MICAL2: variants seen among roughly 807,000 people sequenced by gnomAD.
The protein encoded by MICAL2 is [F-actin]-monooxygenase MICAL2.
A neutral mutation model predicts 127.3 loss-of-function variants in MICAL2; 77 were observed. The observed-to-expected ratio is 0.60, with a 90% CI of 0.50 to 0.73. The LOEUF (loss-of-function observed/expected upper bound fraction) is 0.73. MICAL2 is among the 30% of genes least tolerant of loss of function. The pLI is 0.00. For missense variants in MICAL2, 1,351 were observed against 1,434.4 expected, an observed-to-expected ratio of 0.94 and a Z score of 0.94; for synonymous variants, 570 against 551.1, an observed-to-expected ratio of 1.03 and a Z score of -0.48.
chr11:12,292,388 G>C, downstream of MICAL2: 1 of 1,427,272 alleles, frequency 7.0e-7, no homozygotes, highest in Non-Finnish European at 9.7e-7. Context: ...GATTCCACGT[G>C]CTCATAGGTC....
At chr11:12,187,344 T>C (rs1423989800) in intron 3 of MICAL2, among the ~76,000 whole-genome samples, 2 of 152,248 alleles carry the variant, frequency 1.3e-5, no homozygotes, top group African/African-American at 4.8e-5. Context: ...TCAGTTAATA[T>C]TTTTTTCTAA....
rs537188206 is a variant in MICAL2 at position 12,137,266 on chromosome 11, G to T, written c.-148-1124G>T. On this transcript the variant is annotated intron_variant, in intron 1 of 27. Transcript: ENST00000683283. ...GCCGCCCTTGGAGCTCGCCAGGCTC[G>T]CCCGGTGTGTGGGCCCACCAGGACT... 2.5e-5 allele frequency among the ~76,000 whole-genome samples: 3 copies of T among 119,690 alleles called. No homozygotes were observed. The East Asian group carries it at 7.5e-4, about 30-fold the overall frequency. The allele number at this position is 119,690 out of a possible 152,430, so 78.5% of individuals were successfully genotyped here.
chr11:12,192,148 A>G (rs1859258445), intron 3 of MICAL2, among the ~76,000 whole-genome samples: 1 of 138,598 alleles, frequency 7.2e-6, no homozygotes, highest in African/African-American at 2.8e-5. Flanking sequence ...AAAGACTGAA[A>G]TATTTACTAT....
chr11:12,260,118 C>T, intron 26 of MICAL2: 2 of 1,535,296 alleles, frequency 1.3e-6, no homozygotes, highest in Non-Finnish European at 8.7e-7. Context: ...CTGAGGGCTC[C>T]CTCGAGAGCA....
intron 32 of MICAL2, among the ~76,000 whole-genome samples, chr11:12,349,621 G>A (rs1939014512): frequency 6.6e-6 from 1 of 152,176 alleles, no homozygotes; most frequent in South Asian, 2.1e-4. Context: ...CATGCCCTAA[G>A]TGTCCAAGAA....
rs2134695515 is a variant in MICAL2 at position 12,259,907 on chromosome 11, C to A, written c.3334+10C>A. Reference sequence around the variant, plus strand: ...GAAGGCAGCCCCCCAGGTATCTCCACCTCCTTCTTTAGGAAGGTGCTGGGC... The same window carrying A: ...GAAGGCAGCCCCCCAGGTATCTCCAACTCCTTCTTTAGGAAGGTGCTGGGC... On this transcript the variant is annotated intron_variant, in intron 26 of 27. Coordinates refer to ENST00000683283, the MANE Select transcript of MICAL2 (RefSeq NM_001282663.2). 1 of 1,613,170 alleles carries A rather than the reference C, an allele frequency of 6.2e-7. No individual in the cohort carries two copies. The highest frequency in any genetic ancestry group is 2.2e-5 in the East Asian group (1 of 44,832).
At chr11:12,322,302 C>T (rs564141789) in intron 30 of MICAL2, among the ~76,000 whole-genome samples, 1 of 152,258 alleles carries the variant, frequency 6.6e-6, no homozygotes, top group African/African-American at 2.4e-5. Context: ...TCCCCACCAC[C>T]TCTTCCCTAG....
At chr11:12,284,760 A>G (rs1313438454) in intron 2 of MICAL2, among the ~76,000 whole-genome samples, 1 of 152,196 alleles carries the variant, frequency 6.6e-6, no homozygotes, top group Non-Finnish European at 1.5e-5. Context: ...GGGGTGGGCT[A>G]TTCATCTCCT....
intron 10 of MICAL2, 54 bp downstream of exon 10, chr11:12,221,813 AG>A (rs1590430068): frequency 6.9e-7 from 1 of 1,446,226 alleles, no homozygotes; most frequent in Non-Finnish European, 9.7e-7. Context: ...CAGGCAGGAA[AG>A]GGGGCAAGAT....
In MICAL2 at chr11:12,207,850, GAGTT is replaced by G. The variant is rs2134155801; in HGVS notation, c.473-170_473-167del. ...TAACGATTCCAAAGGGCCACTGTAAGAGTTAGATGAGAAAACACAGAGCTCTTGG... is the reference window on the plus strand; with the variant it reads ...TAACGATTCCAAAGGGCCACTGTAAGAGATGAGAAAACACAGAGCTCTTGG... On this transcript the variant is annotated intron_variant, in intron 4 of 27. Transcript: ENST00000683283. 4.9e-6 allele frequency: 3 copies of G among 608,260 alleles called. No homozygotes were observed. The East Asian group carries it at 7.9e-5, about 16-fold the overall frequency. 37.7% of individuals were successfully genotyped at this position (608,260 alleles called of 1,614,324 possible).
chr11:12,182,476 G>A (rs139163837), intron 3 of MICAL2, among the ~76,000 whole-genome samples: 14 of 152,252 alleles, frequency 9.2e-5, no homozygotes, highest in Admixed American at 3.3e-4. Flanking sequence ...CTAACACACC[G>A]TAGCGGCTTT....
intron 29 of MICAL2, among the ~76,000 whole-genome samples, chr11:12,311,277 A>G (rs1864171179): frequency 6.6e-6 from 1 of 151,928 alleles, no homozygotes; most frequent in Non-Finnish European, 1.5e-5. Flanking sequence ...ATAATGTACT[A>G]CCTTTTTATG....
At chr11:12,185,130 T>G (rs1590230714) in intron 3 of MICAL2, among the ~76,000 whole-genome samples, 1 of 52,238 alleles carries the variant, frequency 1.9e-5, no homozygotes, top group African/African-American at 8.3e-5. Context: ...GGTGGGTGGG[T>G]GGGTGGGGGG....
At chr11:12,265,722 C>A (rs1863602643), downstream of MICAL2, among the ~76,000 whole-genome samples, 1 of 152,160 alleles carries the variant, frequency 6.6e-6, no homozygotes, top group African/African-American at 2.4e-5. Context: ...TATGAACAGG[C>A]AATTTACCCT....
chr11:12,224,929 T>C, intron 13 of MICAL2, 109 bp downstream of exon 13: 1 of 1,343,368 alleles, frequency 7.4e-7, no homozygotes, highest in East Asian at 2.4e-5. Flanking sequence ...TGTGTTTCAA[T>C]TTGAGATTTT....
intron 2 of MICAL2, among the ~76,000 whole-genome samples, chr11:12,159,215 C>T (rs1323615242): frequency 2.0e-5 from 3 of 152,312 alleles, no homozygotes; most frequent in South Asian, 2.1e-4. Context: ...GTTCATTCTT[C>T]TTCTAGGGGA....
intron 21 of MICAL2, among the ~76,000 whole-genome samples, chr11:12,245,963 T>A (rs1860685978): frequency 6.6e-6 from 1 of 152,244 alleles, no homozygotes; most frequent in African/African-American, 2.4e-5. Context: ...CACACCTTGC[T>A]TCTCTCTGGC....
intron 29 of MICAL2, among the ~76,000 whole-genome samples, chr11:12,311,401 A>ATTTAT (rs150154321): frequency 0.049 from 7,383 of 150,272 alleles, 273 homozygotes; most frequent in Admixed American, 0.1. Flanking sequence ...TTGGTTTCTT[A>ATTTAT]TTTATTTTAT....
intron 14 of MICAL2, 134 bp downstream of exon 14, chr11:12,226,504 C>T (rs548144974): frequency 3.7e-6 from 3 of 812,460 alleles, no homozygotes; most frequent in Non-Finnish European, 5.8e-6. Context: ...TGAGGCCAAA[C>T]AGGGGTGACT....
Sources: gnomAD v4.1 joint callset for allele counts (sites outside exome capture counted in the v4.1 genomes callset) on GRCh38, gnomAD v4.1.1 for gene constraint, MANE v1.5 for transcripts, NCBI Gene and HGNC (gene_info 2026-07-23, HGNC 2026-07-21) for gene names.